CDH13: variants seen among roughly 807,000 people sequenced by gnomAD.
The protein encoded by CDH13 is cadherin 13.
Under a neutral mutation model 63.8 loss-of-function variants are expected in CDH13, and 24 were observed. The ratio of observed to expected loss-of-function variants is 0.38; its 90% CI spans 0.27 to 0.53. The LOEUF (loss-of-function observed/expected upper bound fraction) is 0.53, where lower values mean the gene tolerates loss of function less well. Among genes scored for constraint, CDH13 ranks in the 20% least tolerant of loss-of-function variants. The pLI, the probability that CDH13 is intolerant of heterozygous loss-of-function variation, is 0.85. For missense variants in CDH13, 1,049 were observed against 903.1 expected (o/e 1.16, Z -2.07); for synonymous variants, 503 against 355.3 (o/e 1.42, Z -4.67).
At chr16:83,281,748 A>G (rs1280314818) in intron 5 of CDH13, among the ~76,000 whole-genome samples, 1 of 132,868 alleles carries the variant, frequency 7.5e-6, no homozygotes, top group African/African-American at 3.1e-5. Context: ...ATCTGTGCTT[A>G]AAAAAAAAAA....
intron 1 of CDH13, among the ~76,000 whole-genome samples, chr16:82,818,703 C>T (rs1477759883): frequency 6.6e-6 from 1 of 152,144 alleles, no homozygotes; most frequent in East Asian, 1.9e-4. Context: ...AAAAAAAAGG[C>T]AGTGACGGTG....
intron 3 of CDH13, among the ~76,000 whole-genome samples, chr16:83,092,491 T>A (rs2033966616): frequency 6.6e-6 from 1 of 152,248 alleles, no homozygotes; most frequent in Non-Finnish European, 1.5e-5. Flanking sequence ...CGTTAACTTG[T>A]CAGCCCTAGT....
intron 1 of CDH13, among the ~76,000 whole-genome samples, chr16:82,718,970 T>C (rs1039111391): frequency 6.6e-6 from 1 of 152,212 alleles, no homozygotes; most frequent in African/African-American, 2.4e-5. Flanking sequence ...ATGCATGTGG[T>C]CCGTATCTGT....
chr16:82,745,741 C>A (rs2034133533), intron 1 of CDH13, among the ~76,000 whole-genome samples: 2 of 152,110 alleles, frequency 1.3e-5, no homozygotes, highest in Non-Finnish European at 2.9e-5. Context: ...TTCATAGTGA[C>A]ATACACATCA....
At chr16:83,684,131 C>G (rs1351795227) in intron 10 of CDH13, among the ~76,000 whole-genome samples, 3 of 152,314 alleles carry the variant, frequency 2.0e-5, no homozygotes, top group Non-Finnish European at 2.9e-5. Flanking sequence ...TTTTGGGATG[C>G]TGAGGCAGGT....
chr16:82,718,469 G>A (rs147429011), intron 1 of CDH13, among the ~76,000 whole-genome samples: 24 of 152,288 alleles, frequency 1.6e-4, no homozygotes, highest in African/African-American at 5.8e-4. Flanking sequence ...GGGTGGGGAT[G>A]GTGAAGAAGA....
intron 6 of CDH13, among the ~76,000 whole-genome samples, chr16:83,423,161 C>G (rs968271944): frequency 6.6e-6 from 1 of 152,116 alleles, no homozygotes; most frequent in African/African-American, 2.4e-5. Context: ...CAGGGTCCCA[C>G]AAAAATCTGT....
rs561338774 is a variant in CDH13 at position 83,108,195 on chromosome 16, C to T, written c.367-17190C>T. 2.9e-4 allele frequency among the ~76,000 whole-genome samples: 44 copies of T among 152,166 alleles called. 1 individual carries two copies. The highest frequency in any genetic ancestry group is 3.4e-3 in the Middle Eastern group (1 of 294). Reference sequence around the variant, plus strand: ...GTTAAGGCCATGGTTGTGAAGTATCCGCATGATGCATCTCCACTATACACC... The same window carrying T: ...GTTAAGGCCATGGTTGTGAAGTATCTGCATGATGCATCTCCACTATACACC... On this transcript the variant is annotated intron_variant, in intron 3 of 13. Transcript: ENST00000567109.
intron 1 of CDH13, among the ~76,000 whole-genome samples, chr16:82,724,520 C>T (rs960886685): frequency 6.6e-6 from 1 of 152,178 alleles, no homozygotes; most frequent in African/African-American, 2.4e-5. Context: ...AGCCTAGATT[C>T]ATAGTCATGA....
rs182663949 is a variant in CDH13 at position 83,711,580 on chromosome 16, A to G, written c.1538+33119A>G. On this transcript the variant is annotated intron_variant, in intron 10 of 13. Coordinates refer to ENST00000567109, the MANE Select transcript of CDH13 (RefSeq NM_001257.5). ...ACCCATACTGGAGTATAGTGGCGCAATCTTGACTCACCACAACCTCTGCCT... is the reference window on the plus strand; with the variant it reads ...ACCCATACTGGAGTATAGTGGCGCAGTCTTGACTCACCACAACCTCTGCCT... Among the ~76,000 whole-genome samples, 229 of 152,280 alleles carry G rather than the reference A, an allele frequency of 1.5e-3. 1 individual carries two copies. The highest frequency in any genetic ancestry group is 5.1e-3 in the African/African-American group (210 of 41,542).
At chr16:83,683,167 C>T (rs73250480) in intron 10 of CDH13, among the ~76,000 whole-genome samples, 10,190 of 152,288 alleles carry the variant, frequency 0.067, 537 homozygotes, top group African/African-American at 0.14. Context: ...AATCTTCTCA[C>T]TAAAAAGCCT....
chr16:83,724,344 T>C (rs1910106491), intron 10 of CDH13, among the ~76,000 whole-genome samples: 1 of 150,184 alleles, frequency 6.7e-6, no homozygotes, highest in African/African-American at 2.5e-5. Flanking sequence ...AATGCATGGC[T>C]GAGTGATGAA....
intron 1 of CDH13, among the ~76,000 whole-genome samples, chr16:82,741,194 T>G (rs1055819592): frequency 1.3e-5 from 2 of 152,214 alleles, no homozygotes; most frequent in Non-Finnish European, 2.9e-5. Context: ...GCCATTGATA[T>G]AGCTCAAACC....
chr16:82,676,871 TTTTTGTTTTG>T (rs61269039), intron 1 of CDH13, among the ~76,000 whole-genome samples: 7 of 149,510 alleles, frequency 4.7e-5, no homozygotes, highest in Non-Finnish European at 7.4e-5. Flanking sequence ...GTTTCTTTGT[TTTTTGTTTTG>T]TTTTGTTTTG....
At chr16:83,379,490 G>A (rs1304108878) in intron 6 of CDH13, among the ~76,000 whole-genome samples, 1 of 152,196 alleles carries the variant, frequency 6.6e-6, no homozygotes, top group Non-Finnish European at 1.5e-5. Context: ...ACCATACAGT[G>A]TTTTGGTGAG....
chr16:83,049,772 C>T (rs1277293158), intron 3 of CDH13, among the ~76,000 whole-genome samples: 2 of 152,092 alleles, frequency 1.3e-5, no homozygotes, highest in Non-Finnish European at 2.9e-5. Flanking sequence ...GCCATTTGGG[C>T]TTTTTTGACT....
intron 11 of CDH13, among the ~76,000 whole-genome samples, chr16:83,771,856 T>G (rs1249274318): frequency 1.3e-5 from 2 of 152,226 alleles, no homozygotes; most frequent in African/African-American, 2.4e-5. Flanking sequence ...GATATGGTTG[T>G]ATTAGGAGGT....
intron 2 of CDH13, among the ~76,000 whole-genome samples, chr16:82,901,366 G>A (rs866388796): frequency 7.1e-6 from 1 of 141,810 alleles, no homozygotes; most frequent in South Asian, 2.2e-4. Flanking sequence ...GTGTGTGTGT[G>A]TCTGATGATT....
chr16:83,614,297 C>G (rs957846244), intron 8 of CDH13, among the ~76,000 whole-genome samples: 2 of 152,136 alleles, frequency 1.3e-5, no homozygotes, highest in Non-Finnish European at 2.9e-5. Context: ...TCCCAGTGTT[C>G]CCTTCTCCTC....
Sources: gnomAD v4.1 joint callset for allele counts (sites outside exome capture counted in the v4.1 genomes callset) on GRCh38, gnomAD v4.1.1 for gene constraint, MANE v1.5 for transcripts, NCBI Gene and HGNC (gene_info 2026-07-23, HGNC 2026-07-21) for gene names.